The following MAP4K4 variants were observed in gnomAD, a reference collection of about 807,000 sequenced individuals.
MAP4K4 encodes the protein HPK/GCK-like kinase HGK.
Under a neutral mutation model 189.6 loss-of-function variants are expected in MAP4K4, and 38 were observed. That is an observed-to-expected ratio of 0.20 (90% CI 0.15 to 0.26). The LOEUF (loss-of-function observed/expected upper bound fraction) is 0.26, where lower values mean the gene tolerates loss of function less well. Ranked by LOEUF, MAP4K4 falls within the 10% of genes least tolerant of loss-of-function variation. MAP4K4 has a pLI of 1.00. For synonymous variants in MAP4K4, 610 were observed against 624.3 expected (o/e 0.98, Z 0.34); for missense variants, 1,054 against 1,726.9 (o/e 0.61, Z 6.91).
chr2:101,857,649 C>T (rs750354819), intron 13 of MAP4K4, among the ~76,000 whole-genome samples: 10 of 152,244 alleles, frequency 6.6e-5, no homozygotes, highest in Non-Finnish European at 1.2e-4. Context: ...ACACAAGAGA[C>T]GTAGATCCCA....
At chr2:101,713,469 G>C (rs1357326783) in intron 2 of MAP4K4, among the ~76,000 whole-genome samples, 1 of 151,964 alleles carries the variant, frequency 6.6e-6, no homozygotes, top group East Asian at 2.0e-4. Flanking sequence ...GGTGGCGCAT[G>C]CCTGTAATCC....
chr2:101,817,970 C>CT (rs1256489511), intron 3 of MAP4K4, among the ~76,000 whole-genome samples: 1 of 152,032 alleles, frequency 6.6e-6, no homozygotes, highest in East Asian at 1.9e-4. Context: ...GTTCTGGAAT[C>CT]TTTCCTGTGT....
exon 33 of MAP4K4, chr2:101,893,299 A>G (rs1212255790): frequency 4.4e-6 from 2 of 455,946 alleles, no homozygotes; most frequent in Admixed American, 2.4e-5. Context: ...GTAAAAGAAG[A>G]TGGAAATGGA....
chr2:101,839,875 G>A, exon 10 of MAP4K4: 1 of 1,612,790 alleles, frequency 6.2e-7, no homozygotes, highest in Non-Finnish European at 8.5e-7. Flanking sequence ...TACATGCAGC[G>A]GCCCTCTACA....
chr2:101,742,714 G>T (rs2063422038), intron 2 of MAP4K4, among the ~76,000 whole-genome samples: 1 of 152,134 alleles, frequency 6.6e-6, no homozygotes. Context: ...TAGTTTCATT[G>T]CAGGGTCAAG....
chr2:101,869,914 C>T, intron 22 of MAP4K4, 117 bp downstream of exon 22: 1 of 1,347,922 alleles, frequency 7.4e-7, no homozygotes, highest in Non-Finnish European at 9.9e-7. Context: ...CTATGTAGTT[C>T]TCGTGGATTC....
intron 2 of MAP4K4, among the ~76,000 whole-genome samples, chr2:101,700,723 A>C (rs1214397216): frequency 6.6e-6 from 1 of 152,090 alleles, no homozygotes; most frequent in African/African-American, 2.4e-5. Context: ...ACACTTAGAA[A>C]AATGTCATAT....
At chr2:101,825,143 G>A (rs1435403876) in intron 4 of MAP4K4, among the ~76,000 whole-genome samples, 176 bp from the exon 5 acceptor site, 2 of 152,150 alleles carry the variant, frequency 1.3e-5, no homozygotes, top group African/African-American at 2.4e-5. Context: ...TATATGGAGC[G>A]AATACACTGG....
At chr2:101,746,932 T>C (rs2065901007) in intron 2 of MAP4K4, among the ~76,000 whole-genome samples, 2 of 152,150 alleles carry the variant, frequency 1.3e-5, no homozygotes, top group Admixed American at 6.5e-5. Flanking sequence ...GGTAGGGTTC[T>C]TAATAACTGC....
intron 2 of MAP4K4, among the ~76,000 whole-genome samples, chr2:101,700,796 T>TA (rs397816831): frequency 2.6e-5 from 4 of 151,780 alleles, no homozygotes; most frequent in African/African-American, 9.7e-5. Context: ...TTTTTTTTTT[T>TA]ACTATAACAA....
At chr2:101,776,714 C>T (rs898246325) in intron 2 of MAP4K4, among the ~76,000 whole-genome samples, 1 of 151,872 alleles carries the variant, frequency 6.6e-6, no homozygotes, top group Non-Finnish European at 1.5e-5. Flanking sequence ...AAACTCAGAG[C>T]CAATTGCCTT....
chr2:101,767,621 A>G (rs2079179208), intron 2 of MAP4K4, among the ~76,000 whole-genome samples: 1 of 152,190 alleles, frequency 6.6e-6, no homozygotes, highest in African/African-American at 2.4e-5. Context: ...GTGTGAACCA[A>G]TGTCTCACCT....
At chr2:101,787,463 A>G (rs1321909862) in intron 2 of MAP4K4, among the ~76,000 whole-genome samples, 2 of 152,132 alleles carry the variant, frequency 1.3e-5, no homozygotes, top group Non-Finnish European at 2.9e-5. Flanking sequence ...TGTCGTAGCT[A>G]AAGAGATGCC....
At chr2:101,702,391 A>G (rs2039356828) in intron 2 of MAP4K4, among the ~76,000 whole-genome samples, 1 of 151,654 alleles carries the variant, frequency 6.6e-6, no homozygotes, top group South Asian at 2.1e-4. Context: ...ACATGGTGAA[A>G]CCCCGTTTCT....
intron 3 of MAP4K4, among the ~76,000 whole-genome samples, chr2:101,795,074 G>A (rs1216257830): frequency 6.6e-6 from 1 of 152,186 alleles, no homozygotes; most frequent in Non-Finnish European, 1.5e-5. Context: ...AGTTCTAGGT[G>A]AAGCCCACTT....
chr2:101,852,516 G>A (rs774395007), intron 12 of MAP4K4, among the ~76,000 whole-genome samples: 2 of 152,012 alleles, frequency 1.3e-5, no homozygotes, highest in Non-Finnish European at 2.9e-5. Flanking sequence ...AGGTATAGTA[G>A]TATCACCTGA....
At chr2:101,747,610 C>G (rs909701971) in intron 2 of MAP4K4, among the ~76,000 whole-genome samples, 2 of 152,172 alleles carry the variant, frequency 1.3e-5, no homozygotes, top group African/African-American at 2.4e-5. Flanking sequence ...CAAATTAAAA[C>G]AGCTCAGTGG....
chr2:101,792,862 G>A (rs541949586), intron 3 of MAP4K4, among the ~76,000 whole-genome samples: 4 of 152,178 alleles, frequency 2.6e-5, no homozygotes, highest in Admixed American at 1.3e-4. Context: ...TTGAACTCCT[G>A]ACTTCAAGCA....
intron 3 of MAP4K4, among the ~76,000 whole-genome samples, chr2:101,794,191 T>C (rs2093378879): frequency 6.6e-6 from 1 of 152,218 alleles, no homozygotes; most frequent in Non-Finnish European, 1.5e-5. Context: ...GGTTTGTTTT[T>C]GTTTTTGTTT....
Sources: allele counts gnomAD v4.1 joint callset (sites outside exome capture counted in the v4.1 genomes callset), GRCh38; gene constraint gnomAD v4.1.1; transcripts MANE v1.5; gene names NCBI Gene and HGNC (gene_info 2026-07-23, HGNC 2026-07-21).